Variants in PEX1 observed in about 807,000 individuals in gnomAD.
The protein encoded by PEX1 is peroxisomal ATPase PEX1.
Under a neutral mutation model 152.5 loss-of-function variants are expected in PEX1, and 97 were observed. The ratio of observed to expected loss-of-function variants is 0.64; its 90% CI spans 0.54 to 0.75. The LOEUF (loss-of-function observed/expected upper bound fraction) is 0.75, where lower values mean the gene tolerates loss of function less well. PEX1 is among the 30% of genes least tolerant of loss of function. PEX1 has a pLI of 0.00. For synonymous variants in PEX1, 485 were observed against 531.6 expected, an observed-to-expected ratio of 0.91 and a Z score of 1.21; for missense variants, 1,357 against 1,516.3, an observed-to-expected ratio of 0.89 and a Z score of 1.74.
At chr7:92,509,305 G>A (rs1448056081) in intron 9 of PEX1, 24 bp downstream of exon 9, 10 of 1,481,714 alleles carry the variant, frequency 6.7e-6, no homozygotes, top group Non-Finnish European at 8.5e-6. Flanking sequence ...TGTCTAACAT[G>A]CTAGTTTGGC....
chr7:92,495,796 TTCTTA>T (rs1187831919), intron 17 of PEX1, among the ~76,000 whole-genome samples: 8 of 152,106 alleles, frequency 5.3e-5, no homozygotes, highest in East Asian at 1.9e-4. Flanking sequence ...TTAAACTTCA[TTCTTA>T]TCTTTATTAT....
intron 16 of PEX1, among the ~76,000 whole-genome samples, chr7:92,497,866 G>A (rs538113559): frequency 1.3e-5 from 2 of 151,858 alleles, no homozygotes; most frequent in East Asian, 1.9e-4. Flanking sequence ...TCAGGAGGTC[G>A]AGGCCAGCCT....
intron 17 of PEX1, among the ~76,000 whole-genome samples, chr7:92,495,788 A>G (rs1479105616): frequency 1.3e-5 from 2 of 152,178 alleles, no homozygotes; most frequent in South Asian, 2.1e-4. Context: ...GTGTTTCATT[A>G]AACTTCATTC....
At chr7:92,520,118 A>G (rs1258876894) in intron 2 of PEX1, among the ~76,000 whole-genome samples, 1 of 152,096 alleles carries the variant, frequency 6.6e-6, no homozygotes, top group Non-Finnish European at 1.5e-5. Flanking sequence ...AGGTAAAGTC[A>G]CTTCAAAGCA....
At chr7:92,508,032 CAT>C (rs1792284002) in intron 9 of PEX1, among the ~76,000 whole-genome samples, 1 of 150,420 alleles carries the variant, frequency 6.6e-6, no homozygotes, top group Admixed American at 6.7e-5. Flanking sequence ...AATCTTAACA[CAT>C]AAAAAAACAC....
chr7:92,511,513 G>T, intron 7 of PEX1, 67 bp downstream of exon 7: 1 of 1,232,408 alleles, frequency 8.1e-7, no homozygotes, highest in South Asian at 1.2e-5. Flanking sequence ...ATGACAGGTT[G>T]CAAGAACAAT....
chr7:92,504,836 G>T lies in PEX1; in HGVS notation c.1967C>A (p.Pro656Gln). ...AAGGTCATCCAGCAGGACAACAGATGGCTGCATCCACACTGCCTCTGAGAA... is the reference window on the plus strand; with the variant it reads ...AAGGTCATCCAGCAGGACAACAGATTGCTGCATCCACACTGCCTCTGAGAA... ...VAFSEAVWMQPSVVLLDDLDL... is the reference protein window; with the variant it reads ...VAFSEAVWMQQSVVLLDDLDL... Residue 656 changes from proline to glutamine, a missense_variant, in exon 12 of 24, where the codon CCA becomes CAA. Transcript: ENST00000248633. 6.2e-7 allele frequency: 1 copy of T among 1,613,770 alleles called. No homozygotes were observed. The highest frequency in any genetic ancestry group is 8.5e-7 in the Non-Finnish European group (1 of 1,179,714).
chr7:92,515,271 C>T (rs1792687028), intron 5 of PEX1, among the ~76,000 whole-genome samples: 1 of 151,672 alleles, frequency 6.6e-6, no homozygotes. Flanking sequence ...CTCTAAGGTA[C>T]ATATTCTGAC....
At chr7:92,496,169 AAT>A (rs1791646217) in intron 17 of PEX1, among the ~76,000 whole-genome samples, 2 of 152,134 alleles carry the variant, frequency 1.3e-5, no homozygotes, top group African/African-American at 4.8e-5. Flanking sequence ...TATACTTTAT[AAT>A]AAAATTTTTG....
intron 3 of PEX1, 60 bp from the exon 4 acceptor site, chr7:92,518,315 TA>T (rs973230101): frequency 8.5e-6 from 9 of 1,053,920 alleles, no homozygotes; most frequent in South Asian, 1.3e-5. Context: ...CATATCTAGT[TA>T]AAAAAAATCT....
chr7:92,492,823 G>T, intron 20 of PEX1, 130 bp downstream of exon 20: 1 of 759,378 alleles, frequency 1.3e-6, no homozygotes, highest in Non-Finnish European at 2.4e-6. Flanking sequence ...TTCAACTAAA[G>T]GTAAATTTAT....
intron 1 of PEX1, among the ~76,000 whole-genome samples, chr7:92,525,793 AAC>A (rs1793240458): frequency 6.6e-6 from 1 of 152,224 alleles, no homozygotes; most frequent in Non-Finnish European, 1.5e-5. Context: ...CAATACTTGA[AAC>A]ACAGTACAGA....
intron 22 of PEX1, 49 bp from the exon 23 acceptor site, chr7:92,489,472 A>G (rs1293178101): frequency 4.5e-6 from 7 of 1,541,352 alleles, no homozygotes; most frequent in Non-Finnish European, 6.3e-6. Context: ...GGATGTAAAA[A>G]AAAATGTGGT....
In PEX1 at chr7:92,490,632, CAA is replaced by C. The variant is rs35917694; in HGVS notation, c.3438+638_3438+639del. Among the ~76,000 whole-genome samples, 382 of 79,630 alleles carry C rather than the reference CAA, an allele frequency of 4.8e-3. 1 individual carries two copies. Among genetic ancestry groups the C allele is most frequent in the South Asian group, 0.019 (39 of 2,042 alleles). The allele number at this position is 79,630 out of a possible 152,430, so 52.2% of individuals were successfully genotyped here. A position where few individuals can be genotyped will look rare whatever the true frequency, so the allele number is the denominator to read the frequency against. The stretch of plus-strand genomic sequence containing the variant: ...TCTGGATGATAGAGTGAGACTGTCT[CAA>C]AAAAAAAAAAAAAAAAAAGCCTAAA... On this transcript the variant is annotated intron_variant, in intron 21 of 23. Coordinates refer to ENST00000248633, the MANE Select transcript of PEX1 (RefSeq NM_000466.3).
At chr7:92,508,807 G>A (rs1390549948) in intron 9 of PEX1, among the ~76,000 whole-genome samples, 1 of 151,676 alleles carries the variant, frequency 6.6e-6, no homozygotes, top group Non-Finnish European at 1.5e-5. Flanking sequence ...ATCAAAAGAG[G>A]AATTTTTTAA....
chr7:92,514,649 G>C (rs1471597136), intron 5 of PEX1, among the ~76,000 whole-genome samples: 5 of 152,138 alleles, frequency 3.3e-5, no homozygotes, highest in Non-Finnish European at 7.4e-5. Context: ...AATCTAAAAA[G>C]CAGAGTAAAA....
intron 11 of PEX1, 29 bp downstream of exon 11, chr7:92,506,219 A>T (rs1213196397): frequency 6.0e-6 from 7 of 1,169,406 alleles, no homozygotes; most frequent in Non-Finnish European, 9.0e-6. Flanking sequence ...TGAAAAAGGG[A>T]TTTATATAGA....
In PEX1 at chr7:92,487,298, GATC is replaced by G. The variant is rs1790972748; in HGVS notation, c.*156_*158del. The G allele has an allele frequency of 1.9e-6, 1 of 534,670 alleles. No homozygotes were observed. The allele number at this position is 534,670 out of a possible 1,614,324, so 33.1% of individuals were successfully genotyped here. A position where few individuals can be genotyped will look rare whatever the true frequency, so the allele number is the denominator to read the frequency against. On this transcript the variant is annotated 3_prime_UTR_variant, in exon 24 of 24. Coordinates refer to ENST00000248633, the MANE Select transcript of PEX1 (RefSeq NM_000466.3). ...ATACTACAGTATTAATCTCAATCCT[GATC>G]ATTACATAATTATAGCATTTACCAA...
At chr7:92,516,251 C>T (rs1236330616) in intron 5 of PEX1, among the ~76,000 whole-genome samples, 1 of 151,624 alleles carries the variant, frequency 6.6e-6, no homozygotes, top group African/African-American at 2.4e-5. Flanking sequence ...CATGGTGAAA[C>T]CCAGTTTCTA....
Sources: gnomAD v4.1 joint callset for allele counts (sites outside exome capture counted in the v4.1 genomes callset) on GRCh38, gnomAD v4.1.1 for gene constraint, MANE v1.5 for transcripts, NCBI Gene and HGNC (gene_info 2026-07-23, HGNC 2026-07-21) for gene names.